The following KIAA1328 variants were observed in gnomAD, a reference collection of about 807,000 sequenced individuals.
KIAA1328 encodes protein hinderin.
In KIAA1328, 52 loss-of-function variants were observed where a neutral mutation model predicts 68.1. That is an observed-to-expected ratio of 0.76 (90% CI 0.61 to 0.96). The LOEUF is 0.96. Ranked by LOEUF, KIAA1328 falls within the 40% of genes least tolerant of loss-of-function variation. The pLI is 0.00. For missense variants in KIAA1328, 641 were observed against 677.6 expected (o/e 0.95, Z 0.60); for synonymous variants, 232 against 239.4 (o/e 0.97, Z 0.28).
At chr18:37,202,267 C>T (rs910358189) in intron 9 of KIAA1328, among the ~76,000 whole-genome samples, 7 of 151,998 alleles carry the variant, frequency 4.6e-5, no homozygotes, top group Admixed American at 2.0e-4. Flanking sequence ...AAGGTTATAA[C>T]AAAATTATTT....
intron 6 of KIAA1328, among the ~76,000 whole-genome samples, chr18:37,064,523 G>A (rs2151724658): frequency 6.8e-6 from 1 of 147,788 alleles, no homozygotes; most frequent in South Asian, 2.1e-4. Flanking sequence ...AATAGGCATG[G>A]TAGACTGAAA....
intron 9 of KIAA1328, among the ~76,000 whole-genome samples, chr18:37,198,187 G>A (rs2060039351): frequency 6.6e-6 from 1 of 152,186 alleles, no homozygotes; most frequent in Non-Finnish European, 1.5e-5. Flanking sequence ...GGGCTTGAGA[G>A]TAAGGAGTGA....
Position 37,223,715 on chromosome 18 carries a change from C to A in KIAA1328, c.*1488C>A. ...TCTTTTAATTAAAACTAGATTATTT[C>A]AATCTAGAAAAGCCTTGTTGAGCAG... On this transcript the variant is annotated 3_prime_UTR_variant, in exon 10 of 10. Transcript: ENST00000280020. 1.0e-6 allele frequency: 1 copy of A among 985,326 alleles called. No individual in the cohort carries two copies. Among genetic ancestry groups the A allele is most frequent in the Non-Finnish European group, 1.2e-6 (1 of 829,864 alleles). The allele number at this position is 985,326 out of a possible 1,614,324, so 61.0% of individuals were successfully genotyped here.
intron 5 of KIAA1328, among the ~76,000 whole-genome samples, chr18:36,898,423 A>G (rs573581224): frequency 2.0e-5 from 3 of 151,948 alleles, no homozygotes; most frequent in Non-Finnish European, 4.4e-5. Flanking sequence ...GAGTCTTAGC[A>G]TCATGTGTTC....
intron 7 of KIAA1328, among the ~76,000 whole-genome samples, chr18:37,116,470 G>A (rs1227338322): frequency 6.6e-6 from 1 of 152,128 alleles, no homozygotes; most frequent in Non-Finnish European, 1.5e-5. Context: ...GTAGAAAGCT[G>A]AAACTGGATC....
intron 7 of KIAA1328, among the ~76,000 whole-genome samples, chr18:37,089,255 G>A (rs1414293498): frequency 6.6e-6 from 1 of 151,282 alleles, no homozygotes; most frequent in Non-Finnish European, 1.5e-5. Context: ...ATCTCAAATA[G>A]TATCTCTTCC....
intron 8 of KIAA1328, among the ~76,000 whole-genome samples, chr18:37,168,700 G>T (rs1219780992): frequency 7.9e-5 from 12 of 152,152 alleles, no homozygotes; most frequent in Admixed American, 7.9e-4. Flanking sequence ...AGAATAGAAG[G>T]AAATAATTAT....
At chr18:37,025,263 C>A (rs1383601027) in intron 6 of KIAA1328, among the ~76,000 whole-genome samples, 1 of 152,038 alleles carries the variant, frequency 6.6e-6, no homozygotes, top group Non-Finnish European at 1.5e-5. Context: ...GACTCCCACG[C>A]AATAATAATG....
chr18:37,214,956 T>C (rs1376474636), intron 9 of KIAA1328, among the ~76,000 whole-genome samples: 1 of 152,220 alleles, frequency 6.6e-6, no homozygotes, highest in Non-Finnish European at 1.5e-5. Flanking sequence ...TCTGTTTGTC[T>C]GTTATTGCTG....
At chr18:37,080,779 GAAA>G (rs768469176) in intron 7 of KIAA1328, among the ~76,000 whole-genome samples, 2 of 131,296 alleles carry the variant, frequency 1.5e-5, no homozygotes, top group South Asian at 2.5e-4. Context: ...GACTCTGTCT[GAAA>G]AAAAAAAAAA....
intron 7 of KIAA1328, among the ~76,000 whole-genome samples, chr18:37,158,486 A>T (rs1262642499): frequency 6.6e-6 from 1 of 152,110 alleles, no homozygotes; most frequent in African/African-American, 2.4e-5. Context: ...GGAGTTTGTG[A>T]GTTATAAGAA....
intron 1 of KIAA1328, among the ~76,000 whole-genome samples, chr18:36,829,967 C>T (rs576520825): frequency 1.9e-4 from 29 of 152,180 alleles, no homozygotes; most frequent in Non-Finnish European, 3.5e-4. Flanking sequence ...TAGGTAGACT[C>T]TTCTCGCTTG....
intron 3 of KIAA1328, among the ~76,000 whole-genome samples, chr18:36,837,837 A>C (rs1354808736): frequency 6.6e-6 from 1 of 152,162 alleles, no homozygotes; most frequent in Non-Finnish European, 1.5e-5. Flanking sequence ...TTGTTAAAAA[A>C]ACTGTCCTTT....
chr18:37,220,036 G>A (rs1462022440), intron 9 of KIAA1328, among the ~76,000 whole-genome samples: 1 of 152,208 alleles, frequency 6.6e-6, no homozygotes, highest in Non-Finnish European at 1.5e-5. Context: ...CAGTGGAGCT[G>A]CTAAGAGTAT....
intron 4 of KIAA1328, among the ~76,000 whole-genome samples, chr18:36,880,755 C>G (rs1347306506): frequency 6.6e-6 from 1 of 151,880 alleles, no homozygotes; most frequent in Admixed American, 6.6e-5. Flanking sequence ...GGTAGTTTCT[C>G]CTGTTCCTAG....
At chr18:36,937,579 C>G (rs978810644) in intron 5 of KIAA1328, among the ~76,000 whole-genome samples, 1 of 152,078 alleles carries the variant, frequency 6.6e-6, no homozygotes, top group African/African-American at 2.4e-5. Context: ...AGAAGACATT[C>G]ATATGTGGCC....
intron 6 of KIAA1328, among the ~76,000 whole-genome samples, chr18:37,064,931 C>A (rs762076785): frequency 6.6e-6 from 1 of 152,160 alleles, no homozygotes; most frequent in African/African-American, 2.4e-5. Context: ...TTTCTGACTT[C>A]CAGAATTGTA....
chr18:36,936,260 C>CT (rs1174228516), intron 5 of KIAA1328, among the ~76,000 whole-genome samples: 1 of 152,054 alleles, frequency 6.6e-6, no homozygotes, highest in Non-Finnish European at 1.5e-5. Context: ...GACCCATCCT[C>CT]TAAGTTCCCT....
intron 6 of KIAA1328, chr18:37,063,481 G>T (rs755139883): frequency 4.9e-6 from 1 of 205,446 alleles, no homozygotes; most frequent in African/African-American, 2.4e-5. Flanking sequence ...GCCATAAAAT[G>T]TAATATAATC....
Sources: allele counts gnomAD v4.1 joint callset (sites outside exome capture counted in the v4.1 genomes callset), GRCh38; gene constraint gnomAD v4.1.1; transcripts MANE v1.5; gene names NCBI Gene and HGNC (gene_info 2026-07-23, HGNC 2026-07-21).